FBXL4: variants seen among roughly 807,000 people sequenced by gnomAD.
FBXL4 encodes F-box and leucine rich repeat protein 4, also known as F-box/LRR-repeat protein 4.
A neutral mutation model predicts 58.9 loss-of-function variants in FBXL4; 40 were observed. That is an observed-to-expected ratio of 0.68 (90% CI 0.53 to 0.88). FBXL4 has a LOEUF of 0.88. Among genes scored for constraint, FBXL4 ranks in the 40% least tolerant of loss-of-function variants. The pLI, the probability that FBXL4 is intolerant of heterozygous loss-of-function variation, is 0.00. For missense variants in FBXL4, 676 were observed against 734.4 expected (o/e 0.92, Z 0.92); for synonymous variants, 263 against 265.5 (o/e 0.99, Z 0.09).
rs1271470496 is a variant in FBXL4 at position 98,870,829 on chromosome 6, C to A, written c.*3449G>T. The A allele has an allele frequency of 2.6e-5, 4 of 152,106 alleles. No homozygotes were observed. The highest frequency in any genetic ancestry group is 4.1e-4 in the South Asian group (2 of 4,828). The allele number at this position is 152,106 out of a possible 1,614,324, so 9.4% of individuals were successfully genotyped here. A position where few individuals can be genotyped will look rare whatever the true frequency, so the allele number is the denominator to read the frequency against. Reference sequence around the variant, plus strand: ...AGATGCAGTGGTTCATGCCTGTAATCCAAGCATTTTGGGAGGCTGAAGTGG... The same window carrying A: ...AGATGCAGTGGTTCATGCCTGTAATACAAGCATTTTGGGAGGCTGAAGTGG... On this transcript the variant is annotated 3_prime_UTR_variant, in exon 10 of 10. Coordinates refer to ENST00000369244, the MANE Select transcript of FBXL4 (RefSeq NM_001278716.2).
chr6:98,919,921 C>T (rs969816580), intron 4 of FBXL4, among the ~76,000 whole-genome samples: 4 of 152,088 alleles, frequency 2.6e-5, no homozygotes, highest in Non-Finnish European at 5.9e-5. Flanking sequence ...CCCTCAAGAC[C>T]CTGTGAAATA....
At position 98,926,907 on chromosome 6, in the gene FBXL4, T is replaced by G. The variant is rs1333300893; in HGVS notation, c.82A>C (p.Arg28=). The part of the protein sequence containing the change: ...CLRRRARTAT[R]GEMMNTHRAI... ...CTATGGGTGTTCATCATTTCTCCTC[T>G]TGTAGCTGTCCTGGCTCGGCGCCGA... is the stretch of plus-strand genomic sequence containing the variant. The change falls in exon 4 of 10, where the codon AGA becomes CGA. Residue 28 remains arginine, a synonymous_variant. Coordinates refer to ENST00000369244, the MANE Select transcript of FBXL4 (RefSeq NM_001278716.2). 10 of 1,614,188 alleles carry G rather than the reference T, an allele frequency of 6.2e-6. No individual in the cohort carries two copies. Among genetic ancestry groups the G allele is most frequent in the Non-Finnish European group, 7.6e-6 (9 of 1,180,030 alleles).
intron 1 of FBXL4, among the ~76,000 whole-genome samples, chr6:98,935,310 T>G (rs561803306): frequency 1.3e-5 from 2 of 151,974 alleles, no homozygotes; most frequent in South Asian, 4.2e-4. Flanking sequence ...GTTTTTTGTT[T>G]TTTTTTTTTC....
chr6:98,871,275 TGA>T lies in FBXL4; in HGVS notation c.*3001_*3002del, dbSNP rs1223687019. On this transcript the variant is annotated 3_prime_UTR_variant, in exon 10 of 10. Transcript: ENST00000369244. ...TGGCAAGAATGGTTGCTTAAAGAAT[TGA>T]GAACACTGGGAACAACATCAACAGT... 6.6e-6 allele frequency: 1 copy of T among 152,166 alleles called. No individual in the cohort carries two copies. Among genetic ancestry groups the T allele is most frequent in the Non-Finnish European group, 1.5e-5 (1 of 68,028 alleles). 9.4% of individuals were successfully genotyped at this position (152,166 alleles called of 1,614,324 possible). A position where few individuals can be genotyped will look rare whatever the true frequency, so the allele number is the denominator to read the frequency against.
intron 5 of FBXL4, among the ~76,000 whole-genome samples, chr6:98,907,239 T>C (rs1214661310): frequency 1.3e-5 from 2 of 152,192 alleles, no homozygotes; most frequent in African/African-American, 4.8e-5. Flanking sequence ...CAGAGGAGCT[T>C]GGATTTATCC....
chr6:98,938,438 T>C (rs1285009365), intron 1 of FBXL4, among the ~76,000 whole-genome samples: 1 of 152,196 alleles, frequency 6.6e-6, no homozygotes, highest in Non-Finnish European at 1.5e-5. Flanking sequence ...CATTGTCTGA[T>C]ACCAAAAGAA....
At chr6:98,928,220 C>T (rs1772865628) in intron 2 of FBXL4, among the ~76,000 whole-genome samples, 1 of 152,138 alleles carries the variant, frequency 6.6e-6, no homozygotes, top group Admixed American at 6.5e-5. Flanking sequence ...TGGGGCCCAT[C>T]CTCATTGAGT....
In FBXL4 at chr6:98,898,687, T is replaced by C. The variant is rs940127441; in HGVS notation, c.1317+581A>G. On this transcript the variant is annotated intron_variant, in intron 7 of 9. Coordinates refer to ENST00000369244, the MANE Select transcript of FBXL4 (RefSeq NM_001278716.2). ...GGAAAACAACTGGAAAAACTAAATG[T>C]TGATCATTTGGAGAATGTTAAATAG... is the stretch of plus-strand genomic sequence containing the variant. 5.0e-5 allele frequency: 49 copies of C among 984,900 alleles called. No homozygotes were observed. In the African/African-American group the frequency reaches 8.2e-4, roughly 17 times the overall value. 61.0% of individuals were successfully genotyped at this position (984,900 alleles called of 1,614,324 possible).
chr6:98,881,061 G>A (rs1770835707), intron 7 of FBXL4, among the ~76,000 whole-genome samples: 1 of 152,134 alleles, frequency 6.6e-6, no homozygotes. Flanking sequence ...GACATTCACT[G>A]ATCAGCTGCA....
intron 4 of FBXL4, among the ~76,000 whole-genome samples, chr6:98,919,861 G>A (rs1233341852): frequency 6.6e-6 from 1 of 152,088 alleles, no homozygotes; most frequent in Non-Finnish European, 1.5e-5. Flanking sequence ...TGTCGCCACT[G>A]CAAATTGACA....
intron 1 of FBXL4, among the ~76,000 whole-genome samples, chr6:98,943,661 A>G (rs1773516684): frequency 6.6e-6 from 1 of 151,934 alleles, no homozygotes; most frequent in African/African-American, 2.4e-5. Flanking sequence ...AGTTCAGCTC[A>G]GTTACATGAA....
intron 1 of FBXL4, among the ~76,000 whole-genome samples, chr6:98,940,616 T>G (rs1398427619): frequency 1.3e-5 from 2 of 152,196 alleles, no homozygotes; most frequent in Non-Finnish European, 2.9e-5. Flanking sequence ...GTCTATTTTC[T>G]AATCTTTTTT....
intron 2 of FBXL4, among the ~76,000 whole-genome samples, chr6:98,929,095 G>A (rs1387167437): frequency 1.3e-5 from 2 of 152,142 alleles, no homozygotes; most frequent in Non-Finnish European, 2.9e-5. Context: ...ATGTTGATAG[G>A]TGATGAGCAA....
chr6:98,947,555 C>T (rs1222552395), intron 1 of FBXL4, among the ~76,000 whole-genome samples: 1 of 152,218 alleles, frequency 6.6e-6, no homozygotes, highest in Admixed American at 6.5e-5. Flanking sequence ...AGCCTGCAGG[C>T]AGACTGTAGC....
At chr6:98,883,787 A>G (rs1770935004) in intron 7 of FBXL4, among the ~76,000 whole-genome samples, 1 of 151,174 alleles carries the variant, frequency 6.6e-6, no homozygotes, top group African/African-American at 2.4e-5. Context: ...TTTCTGTCTT[A>G]ATTATTATAC....
At chr6:98,903,972 A>G (rs1771706807) in intron 6 of FBXL4, among the ~76,000 whole-genome samples, 2 of 152,162 alleles carry the variant, frequency 1.3e-5, no homozygotes, top group African/African-American at 4.8e-5. Context: ...TGCCTTGCAC[A>G]CAAAGGGTGA....
At chr6:98,924,422 T>C (rs539671266) in intron 4 of FBXL4, among the ~76,000 whole-genome samples, 26 of 152,164 alleles carry the variant, frequency 1.7e-4, no homozygotes, top group African/African-American at 5.5e-4. Context: ...CCAGGCATGG[T>C]GGCACGCACC....
intron 7 of FBXL4, among the ~76,000 whole-genome samples, chr6:98,889,192 G>A (rs1163007692): frequency 6.6e-6 from 1 of 152,188 alleles, no homozygotes; most frequent in Non-Finnish European, 1.5e-5. Context: ...TGTAAAGCAT[G>A]CTTATAGCAT....
At chr6:98,899,223 T>C (rs773078556) in intron 7 of FBXL4, 45 bp downstream of exon 7, 8 of 1,595,726 alleles carry the variant, frequency 5.0e-6, no homozygotes, top group Non-Finnish European at 6.8e-6. Context: ...AAATCTTCAG[T>C]TGGCTACCAT....
Sources: allele counts gnomAD v4.1 joint callset (sites outside exome capture counted in the v4.1 genomes callset), GRCh38; gene constraint gnomAD v4.1.1; transcripts MANE v1.5; gene names NCBI Gene and HGNC (gene_info 2026-07-23, HGNC 2026-07-21).